The following ANO4 variants were observed in gnomAD, a reference collection of about 807,000 sequenced individuals.
ANO4 encodes the protein anoctamin-4.
A neutral mutation model predicts 141.9 loss-of-function variants in ANO4; 69 were observed. That is an observed-to-expected ratio of 0.49 (90% CI 0.40 to 0.59). The LOEUF (loss-of-function observed/expected upper bound fraction) is 0.59. ANO4 is among the 20% of genes least tolerant of loss of function. The probability of loss-of-function intolerance (pLI) is 0.00; values close to 1 mark genes in which losing one functional copy is unlikely to be tolerated. For missense variants in ANO4, 894 were observed against 1,162.2 expected, an observed-to-expected ratio of 0.77 and a Z score of 3.36; for synonymous variants, 350 against 394.3, an observed-to-expected ratio of 0.89 and a Z score of 1.33.
intron 2 of ANO4, among the ~76,000 whole-genome samples, chr12:100,735,169 C>T (rs978364046): frequency 9.9e-5 from 15 of 152,140 alleles, no homozygotes; most frequent in African/African-American, 2.9e-4. Context: ...GAATGTACCT[C>T]GGCATATCCA....
intron 9 of ANO4, among the ~76,000 whole-genome samples, chr12:101,026,560 A>C (rs1013604456): frequency 4.6e-5 from 7 of 152,184 alleles, no homozygotes; most frequent in Admixed American, 2.0e-4. Context: ...TAGGGAAATG[A>C]AAGGACCTAG....
At chr12:100,843,218 A>G (rs1433215779) in intron 1 of ANO4, among the ~76,000 whole-genome samples, 2 of 152,212 alleles carry the variant, frequency 1.3e-5, no homozygotes, top group East Asian at 1.9e-4. Context: ...TGTGCTTGGT[A>G]TATTTTTAGT....
chr12:100,876,252 T>G (rs1230677528), intron 1 of ANO4, among the ~76,000 whole-genome samples: 13 of 135,820 alleles, frequency 9.6e-5, no homozygotes, highest in Non-Finnish European at 3.1e-5. Flanking sequence ...AGAAAGAGAT[T>G]GTGAGAGATC....
chr12:101,041,357 A>C (rs1254113182), intron 11 of ANO4, among the ~76,000 whole-genome samples: 1 of 152,234 alleles, frequency 6.6e-6, no homozygotes, highest in Non-Finnish European at 1.5e-5. Context: ...TTCTGAGATA[A>C]GATCATTTTC....
chr12:100,817,085 T>C (rs1034034665), intron 1 of ANO4, among the ~76,000 whole-genome samples: 1 of 151,946 alleles, frequency 6.6e-6, no homozygotes, highest in Non-Finnish European at 1.5e-5. Flanking sequence ...GTCATTATTT[T>C]GTAGGAATGT....
intron 1 of ANO4, among the ~76,000 whole-genome samples, chr12:100,722,380 C>T (rs1351997332): frequency 1.3e-5 from 2 of 152,192 alleles, no homozygotes; most frequent in African/African-American, 4.8e-5. Context: ...TGGCTCTTCT[C>T]TGTGTAGGGC....
intron 1 of ANO4, among the ~76,000 whole-genome samples, chr12:100,897,612 C>T (rs1310991013): frequency 6.6e-6 from 1 of 152,192 alleles, no homozygotes; most frequent in African/African-American, 2.4e-5. Flanking sequence ...AACTCTTGAA[C>T]GTTTGAGAAA....
intron 5 of ANO4, among the ~76,000 whole-genome samples, chr12:100,970,321 C>T (rs1566071187): frequency 6.6e-6 from 1 of 152,186 alleles, no homozygotes; most frequent in African/African-American, 2.4e-5. Context: ...CGCTGCACGT[C>T]CTGTCTTCTG....
intron 7 of ANO4, among the ~76,000 whole-genome samples, chr12:100,976,093 G>A (rs999165414): frequency 6.6e-6 from 1 of 152,140 alleles, no homozygotes; most frequent in African/African-American, 2.4e-5. Context: ...GATCATTGGA[G>A]AATCTAATTT....
At chr12:100,938,669 G>A (rs576463267) in intron 3 of ANO4, among the ~76,000 whole-genome samples, 8 of 152,246 alleles carry the variant, frequency 5.3e-5, no homozygotes, top group African/African-American at 1.9e-4. Flanking sequence ...GTGATATACA[G>A]CACTTTATAT....
At chr12:100,783,247 C>G (rs1042939718) in intron 3 of ANO4, among the ~76,000 whole-genome samples, 2 of 152,172 alleles carry the variant, frequency 1.3e-5, no homozygotes, top group Non-Finnish European at 2.9e-5. Flanking sequence ...GGATCCCCAG[C>G]AGAGTTGGGA....
intron 2 of ANO4, among the ~76,000 whole-genome samples, chr12:100,734,208 T>A (rs1046569061): frequency 6.6e-6 from 1 of 152,246 alleles, no homozygotes; most frequent in Admixed American, 6.5e-5. Context: ...AATCTATTTT[T>A]AAAAGAAATA....
At chr12:100,995,651 C>A (rs1235541686) in intron 8 of ANO4, among the ~76,000 whole-genome samples, 2 of 152,218 alleles carry the variant, frequency 1.3e-5, no homozygotes, top group Non-Finnish European at 2.9e-5. Flanking sequence ...AATGTTTTAA[C>A]TCATGTACTG....
intron 1 of ANO4, among the ~76,000 whole-genome samples, chr12:100,799,852 C>T (rs930967831): frequency 3.3e-5 from 5 of 152,252 alleles, no homozygotes; most frequent in African/African-American, 9.6e-5. Context: ...GCACCTGGGC[C>T]GGATGACTTT....
chr12:100,887,502 T>C (rs2039894180), intron 1 of ANO4, among the ~76,000 whole-genome samples: 1 of 150,718 alleles, frequency 6.6e-6, no homozygotes, highest in Admixed American at 6.7e-5. Flanking sequence ...AGAAACCAAA[T>C]GACCCTGGGT....
At chr12:100,800,211 T>C (rs1054920564) in intron 1 of ANO4, among the ~76,000 whole-genome samples, 19 of 152,202 alleles carry the variant, frequency 1.2e-4, no homozygotes, top group Non-Finnish European at 2.6e-4. Context: ...GATTTCTATG[T>C]AGAGGGGGTG....
intron 11 of ANO4, among the ~76,000 whole-genome samples, chr12:101,041,091 A>T (rs751174345): frequency 6.6e-6 from 1 of 152,192 alleles, no homozygotes; most frequent in Non-Finnish European, 1.5e-5. Flanking sequence ...AAGATTGGGT[A>T]ATAACAACCC....
Position 101,128,315 on chromosome 12 carries a change from C to G in ANO4, c.*459C>G, listed in dbSNP as rs1348179401. The G allele has an allele frequency of 6.6e-6, 1 of 152,470 alleles. No homozygotes were observed. Among genetic ancestry groups the G allele is most frequent in the African/African-American group, 2.4e-5 (1 of 41,380 alleles). The allele number at this position is 152,470 out of a possible 1,614,324, so 9.4% of individuals were successfully genotyped here. On this transcript the variant is annotated 3_prime_UTR_variant, in exon 28 of 28. Transcript: ENST00000392977. ...ATGTCACCAACAACACAGACAAGACCCTGTTTACAACTTTTTCTTTCCTTT... is the reference window on the plus strand; with the variant it reads ...ATGTCACCAACAACACAGACAAGACGCTGTTTACAACTTTTTCTTTCCTTT...
intron 5 of ANO4, among the ~76,000 whole-genome samples, chr12:100,966,099 C>T (rs1592862190): frequency 6.6e-6 from 1 of 152,078 alleles, no homozygotes; most frequent in Non-Finnish European, 1.5e-5. Context: ...GTGGTTCGGG[C>T]TTGTCATCAA....
Sources: gnomAD v4.1 joint callset for allele counts (sites outside exome capture counted in the v4.1 genomes callset) on GRCh38, gnomAD v4.1.1 for gene constraint, MANE v1.5 for transcripts, NCBI Gene and HGNC (gene_info 2026-07-23, HGNC 2026-07-21) for gene names.